GLYR1: variants seen among roughly 807,000 people sequenced by gnomAD.
The protein encoded by GLYR1 is cytokine-like nuclear factor N-PAC.
In GLYR1, 21 loss-of-function variants were observed where a neutral mutation model predicts 72.7. The ratio of observed to expected loss-of-function variants is 0.29; its 90% CI spans 0.20 to 0.42. The LOEUF (loss-of-function observed/expected upper bound fraction) is 0.42, where lower values mean the gene tolerates loss of function less well. Ranked by LOEUF, GLYR1 falls within the 10% of genes least tolerant of loss-of-function variation. The probability of loss-of-function intolerance (pLI) is 1.00; values close to 1 mark genes in which losing one functional copy is unlikely to be tolerated. For synonymous variants in GLYR1, 392 were observed against 270.2 expected (o/e 1.45, Z -4.42); for missense variants, 594 against 712.1 (o/e 0.83, Z 1.89).
At chr16:4,829,035 TG>T (rs529244192) in intron 5 of GLYR1, among the ~76,000 whole-genome samples, 2 of 152,200 alleles carry the variant, frequency 1.3e-5, no homozygotes, top group South Asian at 4.2e-4. Context: ...ACATTTTTTG[TG>T]GGTCAATTTA....
chr16:4,808,373 G>C (rs181710593), intron 15 of GLYR1, among the ~76,000 whole-genome samples: 6 of 152,224 alleles, frequency 3.9e-5, no homozygotes, highest in Non-Finnish European at 8.8e-5. Flanking sequence ...GAGGTGGGTG[G>C]ATCACCTGAG....
intron 2 of GLYR1, 60 bp from the exon 3 acceptor site, chr16:4,845,213 G>T (rs2085912285): frequency 9.4e-7 from 1 of 1,068,466 alleles, no homozygotes; most frequent in Non-Finnish European, 1.5e-6. Flanking sequence ...CTTTCTAGTG[G>T]CTCCACATTG....
At chr16:4,815,043 G>C (rs1555497940) in intron 10 of GLYR1, among the ~76,000 whole-genome samples, 2 of 152,124 alleles carry the variant, frequency 1.3e-5, no homozygotes, top group Non-Finnish European at 2.9e-5. Context: ...TTCGTTTTTG[G>C]GTTGTTTCTC....
At chr16:4,820,259 GA>G (rs1053453549) in intron 9 of GLYR1, among the ~76,000 whole-genome samples, 9 of 152,190 alleles carry the variant, frequency 5.9e-5, no homozygotes, top group Non-Finnish European at 1.3e-4. Flanking sequence ...AAAGTGCTGG[GA>G]TAACAGCCAT....
At position 4,844,456 on chromosome 16, in the gene GLYR1, A is replaced by G. The variant is rs367971758; in HGVS notation, c.155+618T>C. On this transcript the variant is annotated intron_variant, in intron 3 of 15. Transcript: ENST00000321919. Reference sequence around the variant, plus strand: ...CCATAATGATATATGGCATTAAAAGAGAACTGAACATGGCTTTTATAAAAA... The same window carrying G: ...CCATAATGATATATGGCATTAAAAGGGAACTGAACATGGCTTTTATAAAAA... 3.9e-5 allele frequency among the ~76,000 whole-genome samples: 6 copies of G among 152,372 alleles called. No homozygotes were observed. In the East Asian group the frequency reaches 9.6e-4, roughly 24 times the overall value.
chr16:4,832,260 G>C lies in GLYR1; in HGVS notation c.295-39C>G, dbSNP rs746273019. On this transcript the variant is annotated intron_variant, in intron 4 of 15. Coordinates refer to ENST00000321919, the MANE Select transcript of GLYR1 (RefSeq NM_032569.4). ...AATAATAATGATAACTACCACCACA[G>C]CTGCTGCCGCCATCGCCACCATCAT... The C allele has an allele frequency of 7.5e-6, 12 of 1,607,842 alleles. No individual in the cohort carries two copies. In the South Asian group the frequency reaches 1.1e-4, roughly 15 times the overall value.
chr16:4,809,832 G>A (rs2083223782), intron 15 of GLYR1, among the ~76,000 whole-genome samples: 1 of 151,958 alleles, frequency 6.6e-6, no homozygotes, highest in South Asian at 2.1e-4. Flanking sequence ...GCTGAGGCAT[G>A]AGAATCGCTT....
chr16:4,838,907 G>C (rs538346052), intron 3 of GLYR1, among the ~76,000 whole-genome samples: 7 of 152,180 alleles, frequency 4.6e-5, no homozygotes, highest in African/African-American at 1.7e-4. Flanking sequence ...TTTTTTAAAA[G>C]ACAGGGTCCT....
rs780924000 is a variant in GLYR1 at position 4,811,694 on chromosome 16, G to C, written c.1391C>G (p.Ser464Cys). ...GAGGATGTCCAAGAGTGTCTGCTGG[G>C]ACTGGCCTGTCACCTGGGCCAGGGT... Reference protein sequence around the residue: ...GLTLAQVTGQSQQTLLDILNQ... With the variant: ...GLTLAQVTGQCQQTLLDILNQ... The change falls in exon 14 of 16, where the codon TCC (serine) becomes TGC (cysteine). Residue 464 changes from serine to cysteine, a missense_variant. Coordinates refer to ENST00000321919, the MANE Select transcript of GLYR1 (RefSeq NM_032569.4). 1 of 1,614,218 alleles carries C rather than the reference G, an allele frequency of 6.2e-7. No homozygotes were observed. The highest frequency in any genetic ancestry group is 1.1e-5 in the South Asian group (1 of 91,080).
At chr16:4,805,727 C>T (rs1316850829) in intron 15 of GLYR1, among the ~76,000 whole-genome samples, 4 of 152,092 alleles carry the variant, frequency 2.6e-5, no homozygotes, top group Non-Finnish European at 4.4e-5. Context: ...CCTGTAATCC[C>T]AGCACTTTAG....
chr16:4,835,444 A>G (rs972200436), intron 3 of GLYR1, among the ~76,000 whole-genome samples: 1 of 152,246 alleles, frequency 6.6e-6, no homozygotes, highest in African/African-American at 2.4e-5. Flanking sequence ...AACTGACAGT[A>G]TGAATAGGAT....
At chr16:4,811,445 G>A (rs1021301808) in intron 14 of GLYR1, 151 bp from the exon 15 acceptor site, 3 of 1,254,082 alleles carry the variant, frequency 2.4e-6, no homozygotes, top group Non-Finnish European at 2.2e-6. Context: ...TTAGACACCT[G>A]AGGGCTGCAG....
At chr16:4,846,111 C>T in intron 2 of GLYR1, 63 bp downstream of exon 2, 1 of 1,550,314 alleles carries the variant, frequency 6.5e-7, no homozygotes, top group Non-Finnish European at 8.9e-7. Flanking sequence ...AGGAATGCAT[C>T]TTACATTCTC....
rs561468992 is a variant in GLYR1 at position 4,845,772 on chromosome 16, T to C, written c.75+402A>G. Among the ~76,000 whole-genome samples, 14 of 152,328 alleles carry C rather than the reference T, an allele frequency of 9.2e-5. No homozygotes were observed. In the South Asian group the frequency reaches 1.2e-3, roughly 14 times the overall value. On this transcript the variant is annotated intron_variant, in intron 2 of 15. Transcript: ENST00000321919. ...CAAAGAGGCACTGGAGTAGCACATA[T>C]GGTAACATGGAAAGAAGATTTAAAC...
chr16:4,811,299 G>A lies in GLYR1; in HGVS notation c.1463-5C>T, dbSNP rs1385175598. On this transcript the variant is annotated splice_polypyrimidine_tract_variant and splice_region_variant and intron_variant, in intron 14 of 15. Transcript: ENST00000321919. Reference sequence around the variant, plus strand: ...TAAAGTTTCCTTGCAGGATATCTGAGGAGAAAAAGCCAGTATCAGACAAAA... The same window carrying A: ...TAAAGTTTCCTTGCAGGATATCTGAAGAGAAAAAGCCAGTATCAGACAAAA... 1.4e-5 allele frequency: 22 copies of A among 1,613,006 alleles called. No individual in the cohort carries two copies. Among genetic ancestry groups the A allele is most frequent in the Middle Eastern group, 1.7e-4 (1 of 6,058 alleles).
intron 3 of GLYR1, among the ~76,000 whole-genome samples, chr16:4,834,847 G>A (rs927116336): frequency 1.3e-5 from 2 of 151,942 alleles, no homozygotes; most frequent in African/African-American, 2.4e-5. Flanking sequence ...AAAGTGGAAG[G>A]AGATTTCGAC....
At chr16:4,845,426 C>T (rs1190841139) in intron 2 of GLYR1, among the ~76,000 whole-genome samples, 1 of 152,156 alleles carries the variant, frequency 6.6e-6, no homozygotes, top group Non-Finnish European at 1.5e-5. Context: ...CACAATATCC[C>T]TTTTACTGCA....
intron 3 of GLYR1, among the ~76,000 whole-genome samples, chr16:4,836,635 A>G (rs1253776733): frequency 6.6e-6 from 1 of 152,198 alleles, no homozygotes; most frequent in Non-Finnish European, 1.5e-5. Flanking sequence ...AAAGCAATGC[A>G]TGTTATGTGC....
At chr16:4,822,678 C>T (rs568948064) in intron 7 of GLYR1, among the ~76,000 whole-genome samples, 197 bp downstream of exon 7, 2 of 152,350 alleles carry the variant, frequency 1.3e-5, no homozygotes, top group African/African-American at 2.4e-5. Flanking sequence ...TGTGAGCCAC[C>T]GCGCCCGGCC....
Sources: allele counts gnomAD v4.1 joint callset (sites outside exome capture counted in the v4.1 genomes callset), GRCh38; gene constraint gnomAD v4.1.1; transcripts MANE v1.5; gene names NCBI Gene and HGNC (gene_info 2026-07-23, HGNC 2026-07-21).